Variants in MAPK7 observed in about 807,000 individuals in gnomAD.
MAPK7 encodes mitogen-activated protein kinase 7.
MAPK7 carries 30 observed loss-of-function variants against 56.9 expected under a neutral mutation model. The observed-to-expected ratio is 0.53, with a 90% confidence interval of 0.39 to 0.72. The LOEUF is 0.72. Ranked by LOEUF, MAPK7 falls within the 30% of genes least tolerant of loss-of-function variation. The pLI is 0.00. For missense variants in MAPK7, 952 were observed against 1,110.8 expected, an observed-to-expected ratio of 0.86 and a Z score of 2.03; for synonymous variants, 516 against 449.3, an observed-to-expected ratio of 1.15 and a Z score of -1.88.
intron 5 of MAPK7, 21 bp downstream of exon 5, chr17:19,382,487 A>G: frequency 1.3e-6 from 2 of 1,558,712 alleles, no homozygotes; most frequent in Non-Finnish European, 8.7e-7. Context: ...GGCCCAGGCC[A>G]TGGGGACACC....
upstream of MAPK7, chr17:19,377,827 G>C (rs1415706311): frequency 4.1e-6 from 4 of 985,084 alleles, no homozygotes; most frequent in Non-Finnish European, 4.8e-6. Context: ...CACGGGAATC[G>C]CGGGACAGAC....
At position 19,378,652 on chromosome 17, in the gene MAPK7, C is replaced by T; in HGVS notation, c.-6+22C>T. 7.1e-7 allele frequency: 1 copy of T among 1,403,434 alleles called. No homozygotes were observed. The highest frequency in any genetic ancestry group is 1.6e-5 in the South Asian group (1 of 63,494). The allele number at this position is 1,403,434 out of a possible 1,614,324, so 86.9% of individuals were successfully genotyped here. A position where few individuals can be genotyped will look rare whatever the true frequency, so the allele number is the denominator to read the frequency against. On this transcript the variant is annotated intron_variant, in intron 1 of 6. Transcript: ENST00000395604. The surrounding 1 kb of genome is among the most constrained non-coding windows in gnomAD (Gnocchi z 5.4). ...GGGGGTGAGTGCGGCCCTGAGGAAACCCAGGTGCCCCGCCCCTCCCTTTCT... is the reference window on the plus strand; with the variant it reads ...GGGGGTGAGTGCGGCCCTGAGGAAATCCAGGTGCCCCGCCCCTCCCTTTCT...
At position 19,379,895 on chromosome 17, in the gene MAPK7, G is replaced by A. The variant is rs147142467; in HGVS notation, c.346G>A (p.Ala116Thr). 20 of 1,614,188 alleles carry A rather than the reference G, an allele frequency of 1.2e-5. No individual in the cohort carries two copies. The highest frequency in any genetic ancestry group is 2.7e-5 in the African/African-American group (2 of 75,038). ...LKHFKHDNII[A>T]IKDILRPTVP... ...GCACTTTAAACACGACAACATCATC[G>A]CCATCAAGGACATCCTGAGGCCCAC... The change falls in exon 3 of 7, where the codon GCC becomes ACC. Residue 116 changes from alanine (A) to threonine (T), a missense_variant. This residue lies in a region of MAPK7 where 213 missense variants were observed against 243.2 expected (regional missense o/e 0.88). Transcript: ENST00000395604.
rs889206792 is a variant in MAPK7 at position 19,382,586 on chromosome 17, T to C, written c.2163+120T>C. 7.4e-6 allele frequency: 11 copies of C among 1,493,400 alleles called. No individual in the cohort carries two copies. The Admixed American group carries it at 2.5e-4, about 34-fold the overall frequency. The allele number at this position is 1,493,400 out of a possible 1,614,324, so 92.5% of individuals were successfully genotyped here. ...AGATGGGGCTTTATCTCTGAACGTG[T>C]CCTCTTGCTCACAGAAGGAGCATAA... is the stretch of plus-strand genomic sequence containing the variant. On this transcript the variant is annotated intron_variant, in intron 5 of 6. Transcript: ENST00000395604.
Position 19,378,821 on chromosome 17 carries a change from C to A in MAPK7, c.-5-75C>A. ...TTAGGAAACTGGGAAGTTCCCTGGT[C>A]CTGCTCCCCAGCCCGCAGAGGGGAC... On this transcript the variant is annotated intron_variant, in intron 1 of 6. Coordinates refer to ENST00000395604, the MANE Select transcript of MAPK7 (RefSeq NM_002749.4). The surrounding 1 kb of genome is among the most constrained non-coding windows in gnomAD (Gnocchi z 5.4). The A allele has an allele frequency of 7.3e-7, 1 of 1,377,476 alleles. No individual in the cohort carries two copies. The highest frequency in any genetic ancestry group is 9.9e-7 in the Non-Finnish European group (1 of 1,015,016). The allele number at this position is 1,377,476 out of a possible 1,614,324, so 85.3% of individuals were successfully genotyped here. A position where few individuals can be genotyped will look rare whatever the true frequency, so the allele number is the denominator to read the frequency against.
chr17:19,380,538 G>A (rs781521903), intron 3 of MAPK7, 70 bp from the exon 4 acceptor site: 20 of 1,522,584 alleles, frequency 1.3e-5, no homozygotes, highest in Non-Finnish European at 1.6e-5. Context: ...GAAGGGTGTG[G>A]TGAGGATGGG....
In MAPK7 at chr17:19,383,204, T is replaced by A. The variant is rs1460197836; in HGVS notation, c.2424T>A (p.Ala808=). 1 of 1,614,106 alleles carries A rather than the reference T, an allele frequency of 6.2e-7. No homozygotes were observed. The highest frequency in any genetic ancestry group is 1.1e-5 in the South Asian group (1 of 91,084). ...EIQMDSPMLL[A]DLPDLQDP ...AGATGGACTCCCCAATGCTGCTGGC[T>A]GACCTGCCTGACCTCCAGGACCCCT... Residue 808 remains alanine (A), a synonymous_variant, in exon 7 of 7, where the codon GCT becomes GCA. Transcript: ENST00000395604.
At chr17:19,380,482 A>C in intron 3 of MAPK7, 126 bp from the exon 4 acceptor site, 1 of 1,462,696 alleles carries the variant, frequency 6.8e-7, no homozygotes, top group Non-Finnish European at 9.0e-7. Context: ...CCATGCCGTC[A>C]GCCCCTATGG....
At chr17:19,379,529 CCAA>C (rs1220604945) in intron 2 of MAPK7, 4 of 568,832 alleles carry the variant, frequency 7.0e-6, no homozygotes, top group Non-Finnish European at 1.2e-5. Context: ...CGTGCAACCT[CCAA>C]CAAGTTACTA....
rs1912673233 is a variant in MAPK7 at position 19,381,598 on chromosome 17, C to G, written c.1389C>G (p.Ala463=). 2 of 1,613,982 alleles carry G rather than the reference C, an allele frequency of 1.2e-6. No individual in the cohort carries two copies. The highest frequency in any genetic ancestry group is 2.2e-5 in the East Asian group (1 of 44,880). ...CACCTCCACCAGTCAGTGAGCCTGC[C>G]CCACCAAAGAAAGATGGTGCCATCT... The part of the protein sequence containing the change: ...LQPPPPVSEP[A]PPKKDGAISD... Residue 463 remains alanine (A), a synonymous_variant, in exon 4 of 7, where the codon GCC becomes GCG. Coordinates refer to ENST00000395604, the MANE Select transcript of MAPK7 (RefSeq NM_002749.4). The surrounding 1 kb of genome is among the most constrained non-coding windows in gnomAD (Gnocchi z 4.6).
In MAPK7 at chr17:19,381,537, G is replaced by A. The variant is rs967327863; in HGVS notation, c.1328G>A (p.Gly443Asp). 1.2e-6 allele frequency: 2 copies of A among 1,613,544 alleles called. No homozygotes were observed. The highest frequency in any genetic ancestry group is 1.3e-5 in the African/African-American group (1 of 74,924). The change falls in exon 4 of 7, where the codon GGC (glycine) becomes GAC (aspartate). Residue 443 changes from glycine (G) to aspartate (D), a missense_variant. By Grantham distance (94) the Gly-to-Asp change is moderately conservative. Transcript: ENST00000395604. The surrounding 1 kb of genome is among the most constrained non-coding windows in gnomAD (Gnocchi z 4.6). ...SPPPAPPPCP[G>D]PAPDTIDLTL... ...CCACCAGCCCCGCCACCATGCCCCG[G>A]CCCTGCACCTGACACCATTGATCTG...
intron 3 of MAPK7, 39 bp from the exon 4 acceptor site, chr17:19,380,569 C>T (rs1010345253): frequency 2.6e-6 from 4 of 1,554,222 alleles, no homozygotes; most frequent in Middle Eastern, 1.7e-4. Context: ...GGAGTGTGAT[C>T]AGGCCAACCC....
rs1912630804 is a variant in MAPK7, at chr17:19,381,241, C to T, written c.1032C>T (p.His344=). 6.2e-7 allele frequency: 1 copy of T among 1,614,150 alleles called. No individual in the cohort carries two copies. The highest frequency in any genetic ancestry group is 8.5e-7 in the Non-Finnish European group (1 of 1,180,046). The change falls in exon 4 of 7, where the codon CAC becomes CAT. Residue 344 remains histidine (H), a synonymous_variant. Transcript: ENST00000395604. This position sits in a 1 kb window ranked among gnomAD's most constrained non-coding sequence, Gnocchi z 4.6. ...ARISAAAALR[H]PFLAKYHDPD... is the part of the protein sequence containing the mutation. Reference sequence around the variant, plus strand: ...TCTCAGCAGCTGCTGCCCTTCGCCACCCTTTCCTGGCCAAGTACCATGATC... The same window carrying T: ...TCTCAGCAGCTGCTGCCCTTCGCCATCCTTTCCTGGCCAAGTACCATGATC...
intron 3 of MAPK7, 58 bp downstream of exon 3, chr17:19,380,005 A>G (rs553932505): frequency 1.8e-5 from 28 of 1,559,382 alleles, no homozygotes; most frequent in African/African-American, 5.4e-5. Flanking sequence ...GGCTGCAACC[A>G]TGTTGCCGAA....
Position 19,381,577 on chromosome 17 carries a change from T to A in MAPK7, c.1368T>A (p.Pro456=), listed in dbSNP as rs1225130474. The A allele has an allele frequency of 6.2e-7, 1 of 1,613,722 alleles. No homozygotes were observed. The highest frequency in any genetic ancestry group is 1.7e-5 in the Admixed American group (1 of 59,980). Residue 456 remains proline (P), a synonymous_variant, in exon 4 of 7, where the codon CCT becomes CCA. Coordinates refer to ENST00000395604, the MANE Select transcript of MAPK7 (RefSeq NM_002749.4). The surrounding 1 kb of genome is among the most constrained non-coding windows in gnomAD (Gnocchi z 4.6). ...PDTIDLTLQP[P]PPVSEPAPPK... is the part of the protein sequence containing the mutation. ...CCATTGATCTGACCCTGCAGCCACC[T>A]CCACCAGTCAGTGAGCCTGCCCCAC...
At chr17:19,382,690 C>G (rs1261958689) in intron 5 of MAPK7, 123 bp from the exon 6 acceptor site, 20 of 1,439,730 alleles carry the variant, frequency 1.4e-5, no homozygotes, top group Middle Eastern at 2.3e-4. Flanking sequence ...CCAGCCAGCA[C>G]TCACTGACTG....
rs1567919779 is a variant in MAPK7, at chr17:19,380,719, G to A, written c.510G>A (p.Leu170=). 1 of 1,614,170 alleles carries A rather than the reference G, an allele frequency of 6.2e-7. No homozygotes were observed. Residue 170 remains leucine (L), a synonymous_variant, in exon 4 of 7, where the codon CTG becomes CTA. Coordinates refer to ENST00000395604, the MANE Select transcript of MAPK7 (RefSeq NM_002749.4). The stretch of plus-strand genomic sequence containing the variant: ...TCCTGTACCAACTGCTGCGGGGCCT[G>A]AAGTACATGCACTCGGCTCAGGTCA... ...RYFLYQLLRG[L]KYMHSAQVIH... is the part of the protein sequence containing the mutation.
Position 19,382,825 on chromosome 17 carries a change from C to A in MAPK7, c.2176C>A (p.Leu726Met), listed in dbSNP as rs1567923967. The A allele has an allele frequency of 6.2e-7, 1 of 1,614,176 alleles. No individual in the cohort carries two copies. Among genetic ancestry groups the A allele is most frequent in the Non-Finnish European group, 8.5e-7 (1 of 1,179,988 alleles). ...QLSKSQVEDPLPPVFSGTPKG... is the reference protein window; with the variant it reads ...QLSKSQVEDPMPPVFSGTPKG... ...TCATTCCCTGCAGGTGGAGGACCCC[C>A]TGCCCCCTGTGTTCTCAGGCACACC... is the stretch of plus-strand genomic sequence containing the variant. Residue 726 changes from leucine to methionine, a missense_variant, in exon 6 of 7, where the codon CTG (leucine) becomes ATG (methionine). Coordinates refer to ENST00000395604, the MANE Select transcript of MAPK7 (RefSeq NM_002749.4).
At chr17:19,382,691 T>A in intron 5 of MAPK7, 122 bp from the exon 6 acceptor site, 2 of 1,451,634 alleles carry the variant, frequency 1.4e-6, no homozygotes, top group Admixed American at 2.1e-5. Flanking sequence ...CAGCCAGCAC[T>A]CACTGACTGC....
Sources: allele counts gnomAD v4.1 joint callset, GRCh38; gene constraint gnomAD v4.1.1; regional missense constraint gnomAD v4.1.1; non-coding constraint Gnocchi (gnomAD v3.1); transcripts MANE v1.5; gene names NCBI Gene and HGNC (gene_info 2026-07-23, HGNC 2026-07-21).